GSE1: variants seen among roughly 807,000 people sequenced by gnomAD.
GSE1 encodes the protein genetic suppressor element 1.
GSE1 carries 32 observed loss-of-function variants against 112.6 expected under a neutral mutation model. That is an observed-to-expected ratio of 0.28 (90% CI 0.21 to 0.38). GSE1 has a LOEUF of 0.38. Ranked by LOEUF, GSE1 falls within the 10% of genes least tolerant of loss-of-function variation. The pLI is 1.00. For missense variants in GSE1, 2,348 were observed against 1,699.2 expected, an observed-to-expected ratio of 1.38 and a Z score of -6.71; for synonymous variants, 1,115 against 735.6, an observed-to-expected ratio of 1.52 and a Z score of -8.35.
At chr16:85,631,047 C>T (rs1390997770) in intron 1 of GSE1, among the ~76,000 whole-genome samples, 1 of 152,186 alleles carries the variant, frequency 6.6e-6, no homozygotes, top group Non-Finnish European at 1.5e-5. Flanking sequence ...GGCCCTGCTC[C>T]TGTCTTCCAG....
In GSE1 at chr16:85,484,488, G is replaced by A. The variant is rs574734071; in HGVS notation, c.2464+126845G>A. On this transcript the variant is annotated intron_variant, in intron 2 of 2. Transcript: ENST00000637419. ...AATACAGGGCAGGGTGTACACAGCCGTGGCGGAAACCACAGAAGTGGCCCT... is the reference window on the plus strand; with the variant it reads ...AATACAGGGCAGGGTGTACACAGCCATGGCGGAAACCACAGAAGTGGCCCT... Among the ~76,000 whole-genome samples, 6 of 152,396 alleles carry A rather than the reference G, an allele frequency of 3.9e-5. No individual in the cohort carries two copies. In the South Asian group the frequency reaches 6.2e-4, roughly 16 times the overall value.
In GSE1 at chr16:85,312,816, C is replaced by G. The variant is rs74031785; in HGVS notation, c.2284-44647C>G. 2.0e-3 allele frequency among the ~76,000 whole-genome samples: 299 copies of G among 151,886 alleles called. 2 individuals carry two copies. Among genetic ancestry groups the G allele is most frequent in the African/African-American group, 6.9e-3 (284 of 41,418 alleles). On this transcript the variant is annotated intron_variant, in intron 1 of 2. Transcript: ENST00000637419. ...GGGCAGGAGGAGGAGGAGGTCTCGT[C>G]CACCCAGGTTGACACTGGCCTCAGA...
rs1417878035 is a variant in GSE1 at position 85,462,971 on chromosome 16, G to A, written c.2464+105328G>A. 1.0e-5 allele frequency: 3 copies of A among 290,986 alleles called. No individual in the cohort carries two copies. The Admixed American group carries it at 1.9e-4, about 19-fold the overall frequency. The allele number at this position is 290,986 out of a possible 1,614,324, so 18.0% of individuals were successfully genotyped here. On this transcript the variant is annotated intron_variant, in intron 2 of 2. Coordinates refer to the GSE1 transcript ENST00000637419. The stretch of plus-strand genomic sequence containing the variant: ...CATCCCCGTCTCCCCCGCCCCCTCC[G>A]GGCCCGTCTTCTGCCGCCCCGTGAC...
chr16:85,565,321 G>T (rs570608902), intron 1 of GSE1, among the ~76,000 whole-genome samples: 6 of 151,906 alleles, frequency 3.9e-5, no homozygotes, highest in African/African-American at 1.5e-4. Flanking sequence ...GAACCTGGGA[G>T]CGGAGGTTGC....
chr16:85,430,067 T>G (rs12445601), intron 2 of GSE1, among the ~76,000 whole-genome samples: 10 of 151,726 alleles, frequency 6.6e-5, no homozygotes, highest in Admixed American at 2.6e-4. Context: ...GGGGAATCCA[T>G]CGGGGGTTCA....
chr16:85,668,507 C>G, intron 14 of GSE1, 83 bp downstream of exon 14: 1 of 900,362 alleles, frequency 1.1e-6, no homozygotes, highest in Admixed American at 2.2e-5. Context: ...TCATGCAGAC[C>G]TCTGCCAGCC....
At chr16:85,670,309 C>T (rs913303713) in intron 14 of GSE1, among the ~76,000 whole-genome samples, 9 of 152,142 alleles carry the variant, frequency 5.9e-5, no homozygotes, top group African/African-American at 2.2e-4. Context: ...TGGTGGGGCC[C>T]TTGTCTGTGA....
chr16:85,212,651 T>G (rs1457549042), intron 1 of GSE1, among the ~76,000 whole-genome samples: 1 of 152,166 alleles, frequency 6.6e-6, no homozygotes, highest in African/African-American at 2.4e-5. Context: ...AATACTTTCC[T>G]ATTGTGTAAG....
chr16:85,643,210 C>T (rs995265941), intron 2 of GSE1, among the ~76,000 whole-genome samples: 1 of 152,252 alleles, frequency 6.6e-6, no homozygotes, highest in African/African-American at 2.4e-5. Context: ...CTCTTGTCAT[C>T]TCCAATCCAG....
chr16:85,554,835 G>A (rs1192182754), upstream of GSE1: 3 of 980,814 alleles, frequency 3.1e-6, no homozygotes, highest in Non-Finnish European at 3.6e-6. Context: ...CGCGGAGTTG[G>A]GCAGCCGGAG....
intron 2 of GSE1, among the ~76,000 whole-genome samples, chr16:85,361,960 C>T (rs2047091626): frequency 6.6e-6 from 1 of 152,250 alleles, no homozygotes; most frequent in Non-Finnish European, 1.5e-5. Context: ...GCAAAGGCTC[C>T]TGGTGGCTGG....
intron 2 of GSE1, among the ~76,000 whole-genome samples, chr16:85,379,672 G>C (rs1211074775): frequency 6.6e-6 from 1 of 152,194 alleles, no homozygotes. Flanking sequence ...GCTGGGCCTG[G>C]ACCCTGCTCC....
intron 1 of GSE1, among the ~76,000 whole-genome samples, chr16:85,291,645 G>T (rs971645092): frequency 6.6e-6 from 1 of 152,138 alleles, no homozygotes; most frequent in Non-Finnish European, 1.5e-5. Flanking sequence ...CCGGCCAGCC[G>T]CAGCTGCTGA....
upstream of GSE1, chr16:85,555,073 C>T (rs974599420): frequency 6.1e-6 from 6 of 985,262 alleles, no homozygotes; most frequent in African/African-American, 1.0e-4. Flanking sequence ...AAGCATGGAG[C>T]TGTTGGAAGA....
At chr16:85,522,740 CTGTG>C (rs745958010) in intron 2 of GSE1, among the ~76,000 whole-genome samples, 22 of 151,952 alleles carry the variant, frequency 1.4e-4, no homozygotes, top group Non-Finnish European at 2.9e-4. Flanking sequence ...TTGGAGTTTA[CTGTG>C]TGTATGTGTG....
chr16:85,561,461 G>A (rs2045518485), intron 1 of GSE1, among the ~76,000 whole-genome samples: 1 of 152,062 alleles, frequency 6.6e-6, no homozygotes, highest in African/African-American at 2.4e-5. Context: ...AGGGAGGACT[G>A]ACTCCTCAGC....
chr16:85,586,386 C>T (rs1018527424), intron 1 of GSE1, among the ~76,000 whole-genome samples: 3 of 152,138 alleles, frequency 2.0e-5, no homozygotes, highest in African/African-American at 4.8e-5. Context: ...TCCCGAGTGC[C>T]GAGTGCCGGG....
intron 1 of GSE1, among the ~76,000 whole-genome samples, chr16:85,321,259 A>G (rs1185645132): frequency 2.0e-5 from 3 of 152,088 alleles, no homozygotes; most frequent in Non-Finnish European, 4.4e-5. Flanking sequence ...GTGGAATCCC[A>G]AGGGGTCCTT....
chr16:85,630,953 G>A (rs970885844), intron 1 of GSE1, among the ~76,000 whole-genome samples: 7 of 152,230 alleles, frequency 4.6e-5, no homozygotes, highest in African/African-American at 1.4e-4. Context: ...TTGTGAGGCT[G>A]TCTTGAGAGG....
Sources: gnomAD v4.1 joint callset for allele counts (sites outside exome capture counted in the v4.1 genomes callset) on GRCh38, gnomAD v4.1.1 for gene constraint, MANE v1.5 for transcripts, NCBI Gene and HGNC (gene_info 2026-07-23, HGNC 2026-07-21) for gene names.